The following ASXL2 variants were observed in gnomAD, a reference collection of about 807,000 sequenced individuals.
ASXL2 encodes ASXL transcriptional regulator 2, also known as putative Polycomb group protein ASXL2.
A neutral mutation model predicts 122.0 loss-of-function variants in ASXL2; 23 were observed. The ratio of observed to expected loss-of-function variants is 0.19; its 90% CI spans 0.14 to 0.27. The LOEUF is 0.27. Ranked by LOEUF, ASXL2 falls within the 10% of genes least tolerant of loss-of-function variation. The probability of loss-of-function intolerance (pLI) is 1.00; values close to 1 mark genes in which losing one functional copy is unlikely to be tolerated. For missense variants in ASXL2, 1,518 were observed against 1,713.8 expected (o/e 0.89, Z 2.02); for synonymous variants, 650 against 637.0 (o/e 1.02, Z -0.31).
chr2:25,793,086 C>T lies in ASXL2; in HGVS notation c.403+6299G>A, dbSNP rs146932111. 2.4e-3 allele frequency among the ~76,000 whole-genome samples: 360 copies of T among 151,696 alleles called. 2 individuals carry two copies. The highest frequency in any genetic ancestry group is 8.3e-3 in the African/African-American group (344 of 41,434). On this transcript the variant is annotated intron_variant, in intron 5 of 12. Transcript: ENST00000435504. ...TGCCCAACATGGAGAAATTCTGGCT[C>T]TACTGGTATGGTGGTGCACGCCTGT...
intron 3 of ASXL2, chr2:25,822,550 G>T: frequency 2.0e-6 from 1 of 496,024 alleles, no homozygotes; most frequent in Non-Finnish European, 3.9e-6. Context: ...GGATGTTCAT[G>T]TAAATTTTGA....
intron 9 of ASXL2, among the ~76,000 whole-genome samples, chr2:25,757,572 G>T (rs565203050): frequency 6.7e-6 from 1 of 148,350 alleles, no homozygotes; most frequent in African/African-American, 2.5e-5. Context: ...CCACTCAGGA[G>T]GCTGAGGCAG....
intron 2 of ASXL2, among the ~76,000 whole-genome samples, chr2:25,842,769 C>CGTGT (rs70950126): frequency 4.8e-5 from 7 of 145,070 alleles, no homozygotes; most frequent in African/African-American, 1.8e-4. Flanking sequence ...CGTGTGTGCA[C>CGTGT]GTGTGTGTGT....
At chr2:25,842,418 T>C (rs2089594533) in intron 2 of ASXL2, among the ~76,000 whole-genome samples, 1 of 152,096 alleles carries the variant, frequency 6.6e-6, no homozygotes, top group East Asian at 1.9e-4. Flanking sequence ...TTTACTACCT[T>C]TTGAAAAAAA....
At chr2:25,795,771 G>A (rs2088902936) in intron 5 of ASXL2, among the ~76,000 whole-genome samples, 1 of 151,930 alleles carries the variant, frequency 6.6e-6, no homozygotes, top group African/African-American at 2.4e-5. Flanking sequence ...CTTGTGAAAA[G>A]AAGCGAAAAA....
At chr2:25,795,863 T>C (rs189752106) in intron 5 of ASXL2, among the ~76,000 whole-genome samples, 7 of 152,302 alleles carry the variant, frequency 4.6e-5, no homozygotes, top group South Asian at 2.1e-4. Flanking sequence ...TTTTCAAAAA[T>C]ACGTGCTTAG....
intron 5 of ASXL2, among the ~76,000 whole-genome samples, chr2:25,789,544 TG>T (rs1182200243): frequency 1.3e-5 from 2 of 152,148 alleles, no homozygotes; most frequent in Non-Finnish European, 2.9e-5. Flanking sequence ...AGTACTGTTC[TG>T]TTTGTGAAAA....
At chr2:25,810,380 C>T (rs1574427983) in intron 3 of ASXL2, 1 of 624,164 alleles carries the variant, frequency 1.6e-6, no homozygotes, top group Admixed American at 2.2e-5. Flanking sequence ...TTTTTAACAA[C>T]CTTCATATCT....
chr2:25,765,233 C>A (rs1196128882), intron 8 of ASXL2, among the ~76,000 whole-genome samples: 2 of 152,064 alleles, frequency 1.3e-5, no homozygotes, highest in Non-Finnish European at 2.9e-5. Context: ...TGCCTGTAAT[C>A]CCAGCACTTT....
At chr2:25,802,637 T>C (rs1025243487) in intron 4 of ASXL2, among the ~76,000 whole-genome samples, 4 of 152,164 alleles carry the variant, frequency 2.6e-5, no homozygotes, top group Non-Finnish European at 5.9e-5. Flanking sequence ...GGTGAGCTAC[T>C]GCATAGTCTC....
intron 1 of ASXL2, among the ~76,000 whole-genome samples, chr2:25,848,168 T>C (rs985457971): frequency 1.3e-5 from 2 of 152,228 alleles, no homozygotes; most frequent in African/African-American, 4.8e-5. Flanking sequence ...AAGGGGACTA[T>C]TAAATCATTA....
At chr2:25,783,986 G>A (rs527823921) in intron 5 of ASXL2, among the ~76,000 whole-genome samples, 89 of 151,820 alleles carry the variant, frequency 5.9e-4, no homozygotes, top group African/African-American at 2.0e-3. Context: ...ATCGGAAGGC[G>A]GAGGTTGCAG....
chr2:25,774,709 G>A (rs2088517872), intron 5 of ASXL2, among the ~76,000 whole-genome samples: 1 of 152,176 alleles, frequency 6.6e-6, no homozygotes, highest in Non-Finnish European at 1.5e-5. Context: ...AGATTTGGGG[G>A]TATATATGTA....
At chr2:25,751,526 C>CA (rs2088045028) in intron 11 of ASXL2, among the ~76,000 whole-genome samples, 1 of 151,804 alleles carries the variant, frequency 6.6e-6, no homozygotes, top group Admixed American at 6.6e-5. Flanking sequence ...CCCAGCTACT[C>CA]AGGAGGCTGA....
rs759268577 is a variant in ASXL2 at position 25,743,401 on chromosome 2, G to C, written c.2936C>G (p.Thr979Arg). The C allele has an allele frequency of 1.9e-6, 3 of 1,613,912 alleles. No individual in the cohort carries two copies. The highest frequency in any genetic ancestry group is 3.3e-5 in the Admixed American group (2 of 60,016). ...TTCCTCTTTTGCAGTCAGTGGAACC[G>C]TTTTCATTTCAACTTTGGTGAGAGG... ...PKPLTKVEMKTVPLTAKEERG... is the reference protein window; with the variant it reads ...PKPLTKVEMKRVPLTAKEERG... Residue 979 changes from threonine to arginine, a missense_variant, in exon 13 of 13, where the codon ACG becomes AGG. Around this residue, in one of 8 missense-constraint regions of ASXL2, gnomAD observed 831 missense variants for 833.1 expected, o/e 1.00. Transcript: ENST00000435504.
intron 3 of ASXL2, among the ~76,000 whole-genome samples, chr2:25,829,579 G>A (rs2089425772): frequency 2.0e-5 from 3 of 152,128 alleles, no homozygotes. Context: ...CTTTGAACCA[G>A]AGTTACCAGT....
At chr2:25,822,187 T>C (rs916696861) in intron 3 of ASXL2, among the ~76,000 whole-genome samples, 2 of 152,046 alleles carry the variant, frequency 1.3e-5, no homozygotes, top group African/African-American at 2.4e-5. Context: ...AGTAACTCTT[T>C]ACTCTGCAAG....
intron 5 of ASXL2, among the ~76,000 whole-genome samples, chr2:25,792,205 T>C (rs1218517816): frequency 6.6e-6 from 1 of 152,240 alleles, no homozygotes; most frequent in East Asian, 1.9e-4. Flanking sequence ...TCTCACTATA[T>C]TGCCCAGGCT....
chr2:25,852,276 A>G (rs1349729755), intron 1 of ASXL2, among the ~76,000 whole-genome samples: 1 of 152,242 alleles, frequency 6.6e-6, no homozygotes, highest in Non-Finnish European at 1.5e-5. Context: ...TAATATATTT[A>G]CTTCTTAGCT....
Sources: gnomAD v4.1 joint callset for allele counts (sites outside exome capture counted in the v4.1 genomes callset) on GRCh38, gnomAD v4.1.1 for gene constraint, gnomAD v4.1.1 regional missense constraint, MANE v1.5 for transcripts, NCBI Gene and HGNC (gene_info 2026-07-23, HGNC 2026-07-21) for gene names.